The following NFIX variants were observed in gnomAD, a reference collection of about 807,000 sequenced individuals.
NFIX encodes the protein nuclear factor 1 X-type.
A neutral mutation model predicts 53.3 loss-of-function variants in NFIX; 2 were observed. That is an observed-to-expected ratio of 0.04 (90% CI 0.02 to 0.12). NFIX has a LOEUF of 0.12. Ranked by LOEUF, NFIX falls within the 10% of genes least tolerant of loss-of-function variation. The pLI, the probability that NFIX is intolerant of heterozygous loss-of-function variation, is 1.00. For synonymous variants in NFIX, 244 were observed against 289.0 expected (o/e 0.84, Z 1.58); for missense variants, 310 against 674.5 (o/e 0.46, Z 5.99).
intron 7 of NFIX, among the ~76,000 whole-genome samples, chr19:13,080,514 A>G (rs1187379764): frequency 1.3e-5 from 2 of 152,180 alleles, no homozygotes; most frequent in Admixed American, 6.5e-5. Flanking sequence ...TATGAGCCAC[A>G]GCACTCAGCC....
intron 2 of NFIX, among the ~76,000 whole-genome samples, chr19:13,062,929 C>A (rs1425320225): frequency 1.3e-5 from 2 of 152,190 alleles, no homozygotes; most frequent in Non-Finnish European, 2.9e-5. Context: ...TTCAGCCTAA[C>A]TCCCACTTCC....
chr19:13,023,591 T>G (rs2013087527), intron 1 of NFIX, among the ~76,000 whole-genome samples: 2 of 151,310 alleles, frequency 1.3e-5, no homozygotes, highest in Non-Finnish European at 2.9e-5. Flanking sequence ...GGGGAGATGG[T>G]GGGAGGCTGG....
Position 13,019,737 on chromosome 19 carries a change from T to G in NFIX, c.28-5284T>G, listed in dbSNP as rs867467549. ...GTTTTTTTTTTGTTTGTTTGTTTTT[T>G]TTTTTTTTTTACCAAATAGTACTCA... On this transcript the variant is annotated intron_variant, in intron 1 of 10. Coordinates refer to ENST00000592199, the MANE Select transcript of NFIX (RefSeq NM_001365902.3). 4.1e-3 allele frequency among the ~76,000 whole-genome samples: 615 copies of G among 150,898 alleles called. 1 individual carries two copies. The highest frequency in any genetic ancestry group is 9.4e-3 in the South Asian group (45 of 4,796).
intron 1 of NFIX, among the ~76,000 whole-genome samples, chr19:12,999,611 GCA>G (rs1292296546): frequency 6.6e-6 from 1 of 152,122 alleles, no homozygotes; most frequent in Non-Finnish European, 1.5e-5. Flanking sequence ...ATACATGGCC[GCA>G]CACACGGATA....
intron 8 of NFIX, among the ~76,000 whole-genome samples, chr19:13,082,780 C>T (rs1020264127): frequency 6.6e-6 from 1 of 152,238 alleles, no homozygotes; most frequent in East Asian, 1.9e-4. Flanking sequence ...TCTAGCTCCT[C>T]TGTAGCCAGC....
chr19:13,000,325 C>T (rs982150638), intron 1 of NFIX, among the ~76,000 whole-genome samples: 1 of 152,024 alleles, frequency 6.6e-6, no homozygotes, highest in African/African-American at 2.4e-5. Flanking sequence ...TGGTTGTCAA[C>T]CTCCCAGACC....
At chr19:12,999,854 CTGTTTTCA>C (rs1342538397) in intron 1 of NFIX, among the ~76,000 whole-genome samples, 1 of 152,236 alleles carries the variant, frequency 6.6e-6, no homozygotes, top group East Asian at 1.9e-4. Flanking sequence ...GCCTGGTGCC[CTGTTTTCA>C]TGGCACTTGG....
intron 1 of NFIX, among the ~76,000 whole-genome samples, chr19:13,017,342 C>T (rs1002268435): frequency 1.3e-5 from 2 of 152,152 alleles, no homozygotes; most frequent in African/African-American, 2.4e-5. Flanking sequence ...GTTGCGGGAG[C>T]AATACATTTT....
chr19:13,046,397 T>C (rs1293045117), intron 2 of NFIX, among the ~76,000 whole-genome samples: 1 of 152,142 alleles, frequency 6.6e-6, no homozygotes, highest in African/African-American at 2.4e-5. Context: ...AGACAAAGCA[T>C]GGAGATTTTC....
chr19:13,032,931 G>A (rs1401658133), intron 2 of NFIX, among the ~76,000 whole-genome samples: 1 of 152,184 alleles, frequency 6.6e-6, no homozygotes, highest in African/African-American at 2.4e-5. Flanking sequence ...CCTGTATGGA[G>A]GCCTAATTGT....
At chr19:13,047,238 CT>C (rs912423835) in intron 2 of NFIX, among the ~76,000 whole-genome samples, 132 of 146,010 alleles carry the variant, frequency 9.0e-4, no homozygotes, top group Admixed American at 6.8e-4. Context: ...TTCTTTCTTT[CT>C]TTTTTTTTTT....
rs1291990469 is a variant in NFIX, at chr19:13,090,763, C to T, written c.1494+373C>T. On this transcript the variant is annotated intron_variant, in intron 10 of 10. Coordinates refer to ENST00000592199, the MANE Select transcript of NFIX (RefSeq NM_001365902.3). The surrounding 1 kb of genome is among the most constrained non-coding windows in gnomAD (Gnocchi z 6.6). ...TTTCACCTGCCCCGACTGGAAGCCC[C>T]GGCCCCTAGCCCTCCCCTTTCCCCT... 6.6e-6 allele frequency among the ~76,000 whole-genome samples: 1 copy of T among 152,184 alleles called. No homozygotes were observed. The highest frequency in any genetic ancestry group is 1.5e-5 in the Non-Finnish European group (1 of 68,024).
At chr19:13,039,898 A>G (rs559596063) in intron 2 of NFIX, among the ~76,000 whole-genome samples, 1 of 152,274 alleles carries the variant, frequency 6.6e-6, no homozygotes, top group South Asian at 2.1e-4. Flanking sequence ...GAGATGATGT[A>G]AAGGCTCACG....
chr19:13,002,397 C>G lies in NFIX; in HGVS notation c.27+6533C>G, dbSNP rs572988515. ...ACCCCCCCTTCCTCACCACCTCCCC[C>G]CTCCCGAGGAGCCCCTCTGAGGGCG... On this transcript the variant is annotated intron_variant, in intron 1 of 10. Transcript: ENST00000592199. The surrounding 1 kb of genome is among the most constrained non-coding windows in gnomAD (Gnocchi z 6.1). 3.3e-5 allele frequency among the ~76,000 whole-genome samples: 5 copies of G among 152,118 alleles called. No homozygotes were observed. The highest frequency in any genetic ancestry group is 1.9e-4 in the East Asian group (1 of 5,168).
At chr19:13,075,104 C>A (rs971804798) in intron 5 of NFIX, among the ~76,000 whole-genome samples, 6 of 130,078 alleles carry the variant, frequency 4.6e-5, no homozygotes, top group African/African-American at 9.1e-5. Context: ...CTAAAATATT[C>A]TTTATATTGA....
chr19:13,055,089 C>T (rs2015571402), intron 2 of NFIX, among the ~76,000 whole-genome samples: 1 of 151,712 alleles, frequency 6.6e-6, no homozygotes, highest in African/African-American at 2.4e-5. Context: ...AATAATCCCC[C>T]CTTTCCAGCC....
At position 13,012,160 on chromosome 19, in the gene NFIX, G is replaced by A. The variant is rs2012387644; in HGVS notation, c.28-12861G>A. 6.6e-6 allele frequency: 1 copy of A among 152,250 alleles called. No homozygotes were observed. The highest frequency in any genetic ancestry group is 2.4e-5 in the African/African-American group (1 of 41,450). The allele number at this position is 152,250 out of a possible 1,614,324, so 9.4% of individuals were successfully genotyped here. On this transcript the variant is annotated intron_variant, in intron 1 of 10. Transcript: ENST00000592199. The surrounding 1 kb of genome is among the most constrained non-coding windows in gnomAD (Gnocchi z 5.0). ...AAAAGGCGGGAAGCGGCGCTTCGAG[G>A]CCCCGGATGTCAGACGCGACCTGTG...
rs545133425 is a variant in NFIX, at chr19:13,021,607, G to A, written c.28-3414G>A. On this transcript the variant is annotated intron_variant, in intron 1 of 10. Coordinates refer to ENST00000592199, the MANE Select transcript of NFIX (RefSeq NM_001365902.3). This position sits in a 1 kb window ranked among gnomAD's most constrained non-coding sequence, Gnocchi z 4.2. ...GGCGGCTGTAGGGATGGGGTTCTGA[G>A]TGGAATTGGATCCCTTTCTCCCTGT... Among the ~76,000 whole-genome samples, 176 of 152,344 alleles carry A rather than the reference G, an allele frequency of 1.2e-3. No individual in the cohort carries two copies. Among genetic ancestry groups the A allele is most frequent in the Non-Finnish European group, 2.0e-3 (135 of 68,022 alleles).
intron 2 of NFIX, among the ~76,000 whole-genome samples, chr19:13,031,076 A>T (rs993793727): frequency 2.0e-5 from 3 of 152,208 alleles, no homozygotes; most frequent in Admixed American, 2.0e-4. Context: ...GAGAACAGAA[A>T]TGCCCAGACC....
Sources: gnomAD v4.1 joint callset for allele counts (sites outside exome capture counted in the v4.1 genomes callset) on GRCh38, gnomAD v4.1.1 for gene constraint, Gnocchi (gnomAD v3.1) non-coding constraint, MANE v1.5 for transcripts, NCBI Gene and HGNC (gene_info 2026-07-23, HGNC 2026-07-21) for gene names.